Variants in SNX19 observed in about 807,000 individuals in gnomAD.
SNX19 encodes sorting nexin-19.
A neutral mutation model predicts 85.2 loss-of-function variants in SNX19; 60 were observed. That is an observed-to-expected ratio of 0.70 (90% CI 0.57 to 0.87). The LOEUF is 0.87. SNX19 is among the 40% of genes least tolerant of loss of function. SNX19 has a pLI of 0.00. For missense variants in SNX19, 1,201 were observed against 1,217.8 expected (o/e 0.99, Z 0.21); for synonymous variants, 520 against 470.0 (o/e 1.11, Z -1.38).
In SNX19 at chr11:130,868,947, G is replaced by A. The variant is rs1388287442; in HGVS notation, c.*9475C>T. 6.6e-6 allele frequency: 1 copy of A among 152,242 alleles called. No individual in the cohort carries two copies. The highest frequency in any genetic ancestry group is 1.9e-4 in the East Asian group (1 of 5,204). The allele number at this position is 152,242 out of a possible 1,614,324, so 9.4% of individuals were successfully genotyped here. The stretch of plus-strand genomic sequence containing the variant: ...AAGAAGGTTGCCAACGTCATTTATG[G>A]ATCAGCAACTGCTTGTAGGCAAAGT... On this transcript the variant is annotated 3_prime_UTR_variant, in exon 11 of 11. Transcript: ENST00000265909.
chr11:130,895,120 A>G, intron 8 of SNX19: 3 of 985,404 alleles, frequency 3.0e-6, no homozygotes, highest in Non-Finnish European at 3.6e-6. Flanking sequence ...GTGGGGCTTC[A>G]TACTGGGAGG....
At chr11:130,908,288 T>C in intron 4 of SNX19, 1 of 439,448 alleles carries the variant, frequency 2.3e-6, no homozygotes, top group Admixed American at 4.2e-5. Flanking sequence ...CATAAAAATC[T>C]TTTTCCTTGA....
chr11:130,893,625 C>T, intron 8 of SNX19: 2 of 593,816 alleles, frequency 3.4e-6, no homozygotes, highest in Non-Finnish European at 6.0e-6. Flanking sequence ...ACCGAAGTGG[C>T]AACTCCAGAA....
intron 8 of SNX19, among the ~76,000 whole-genome samples, chr11:130,897,557 T>C (rs1944961880): frequency 6.6e-6 from 1 of 152,184 alleles, no homozygotes. Flanking sequence ...TTCCTATTTT[T>C]ATCGTGGCAT....
At position 130,905,207 on chromosome 11, in the gene SNX19, C is replaced by CCTGGAAGGCAAAATTGCT. The variant is rs533237447; in HGVS notation, c.2443+728_2443+745dup. Among the ~76,000 whole-genome samples, 120 of 152,274 alleles carry CCTGGAAGGCAAAATTGCT rather than the reference C, an allele frequency of 7.9e-4. 1 individual carries two copies. The South Asian group carries it at 0.02, about 25-fold the overall frequency. ...CAGAGTACACATCTGCTCTTCTTCT[C>CCTGGAAGGCAAAATTGCT]CTGGAAGGCAAAATTGCTCTGCCTC... On this transcript the variant is annotated intron_variant, in intron 7 of 10. Coordinates refer to ENST00000265909, the MANE Select transcript of SNX19 (RefSeq NM_014758.3).
chr11:130,879,234 A>G (rs1467971054), intron 10 of SNX19, among the ~76,000 whole-genome samples: 1 of 152,204 alleles, frequency 6.6e-6, no homozygotes, highest in African/African-American at 2.4e-5. Context: ...GGTCTGTGAT[A>G]CACAGGCCAG....
chr11:130,911,611 A>T lies in SNX19; in HGVS notation c.1813+22T>A, dbSNP rs374005724. On this transcript the variant is annotated intron_variant, in intron 2 of 10. Transcript: ENST00000265909. ...TCGACGTGGGAAGCAAGCGGGCAGT[A>T]GGGGTTGGGGAAACTCCTGACTTTT... 77 of 1,613,808 alleles carry T rather than the reference A, an allele frequency of 4.8e-5. 1 individual carries two copies. The East Asian group carries it at 1.5e-3, about 31-fold the overall frequency.
intron 2 of SNX19, among the ~76,000 whole-genome samples, chr11:130,911,098 G>C (rs1946078364): frequency 6.6e-6 from 1 of 151,828 alleles, no homozygotes; most frequent in Admixed American, 6.6e-5. Flanking sequence ...TGGAGGCTGA[G>C]GCAGGAGAAT....
At position 130,880,661 on chromosome 11, in the gene SNX19, C is replaced by T. The variant is rs1307662567; in HGVS notation, c.2719G>A (p.Glu907Lys). The T allele has an allele frequency of 6.2e-7, 1 of 1,609,108 alleles. No homozygotes were observed. Among genetic ancestry groups the T allele is most frequent in the East Asian group, 2.2e-5 (1 of 44,682 alleles). ...VRTQEQKLAAEKQALQSLMGV... is the reference protein window; with the variant it reads ...VRTQEQKLAAKKQALQSLMGV... ...ATCAGGCTCTGCAAAGCCTGTTTCT[C>T]AGCAGCCAGTTTCTGCTCTTGGGTC... Residue 907 changes from glutamate to lysine, a missense_variant, in exon 9 of 11, where the codon GAG becomes AAG. Glu to Lys is a moderately conservative substitution (Grantham distance 56). This residue lies in a region of SNX19 where 285 missense variants were observed against 295.3 expected (regional missense o/e 0.97). Transcript: ENST00000265909.
chr11:130,900,547 T>C (rs1413063819), intron 8 of SNX19, among the ~76,000 whole-genome samples: 1 of 152,216 alleles, frequency 6.6e-6, no homozygotes, highest in Non-Finnish European at 1.5e-5. Context: ...TTCTCCTTTA[T>C]CTGGACTAGC....
chr11:130,901,673 A>G (rs1475710920), intron 8 of SNX19: 9 of 152,226 alleles, frequency 5.9e-5, no homozygotes, highest in Non-Finnish European at 1.3e-4. Flanking sequence ...TAATATAAAG[A>G]AATAAATGCA....
At position 130,916,414 on chromosome 11, in the gene SNX19, GGGC is replaced by G. The variant is rs1565562446; in HGVS notation, c.-478_-476del. On this transcript the variant is annotated 5_prime_UTR_variant, in exon 1 of 11. Coordinates refer to ENST00000265909, the MANE Select transcript of SNX19 (RefSeq NM_014758.3). ...CTCGGCCCTCTGCCGCCGTAAACCTGGGCGACTGCGCTCCGCAGCCGGGCCTGT... is the reference window on the plus strand; with the variant it reads ...CTCGGCCCTCTGCCGCCGTAAACCTGGACTGCGCTCCGCAGCCGGGCCTGT... 3.2e-5 allele frequency: 5 copies of G among 154,486 alleles called. No individual in the cohort carries two copies. The highest frequency in any genetic ancestry group is 1.2e-4 in the African/African-American group (5 of 41,498). The allele number at this position is 154,486 out of a possible 1,614,324, so 9.6% of individuals were successfully genotyped here.
chr11:130,893,466 AGAG>A (rs1267011032), intron 8 of SNX19, among the ~76,000 whole-genome samples: 4 of 152,176 alleles, frequency 2.6e-5, no homozygotes, highest in Admixed American at 2.6e-4. Flanking sequence ...AGAGGGGTGT[AGAG>A]GAGAAGGAAA....
chr11:130,886,050 C>A (rs918875915), intron 8 of SNX19, among the ~76,000 whole-genome samples: 17 of 152,148 alleles, frequency 1.1e-4, no homozygotes, highest in Non-Finnish European at 2.1e-4. Context: ...CCAAACATTG[C>A]GGCATGTCCC....
rs573698802 is a variant in SNX19 at position 130,877,423 on chromosome 11, A to G, written c.*999T>C. 78 of 152,364 alleles carry G rather than the reference A, an allele frequency of 5.1e-4. No homozygotes were observed. Among genetic ancestry groups the G allele is most frequent in the African/African-American group, 1.8e-3 (74 of 41,582 alleles). 9.4% of individuals were successfully genotyped at this position (152,364 alleles called of 1,614,324 possible). A position where few individuals can be genotyped will look rare whatever the true frequency, so the allele number is the denominator to read the frequency against. ...AGAAGCTATTCCTTGTAAGTTTGCT[A>G]ATCTTATCTGTTCAGAATAATAAAA... On this transcript the variant is annotated 3_prime_UTR_variant, in exon 11 of 11. Coordinates refer to ENST00000265909, the MANE Select transcript of SNX19 (RefSeq NM_014758.3).
At chr11:130,913,322 GTTATT>G (rs1741825106) in intron 1 of SNX19, among the ~76,000 whole-genome samples, 1 of 152,206 alleles carries the variant, frequency 6.6e-6, no homozygotes, top group Non-Finnish European at 1.5e-5. Context: ...GCTAGTCTCA[GTTATT>G]TTATGACCAG....
At chr11:130,899,791 A>C (rs11222382) in intron 8 of SNX19, among the ~76,000 whole-genome samples, 10,943 of 152,312 alleles carry the variant, frequency 0.072, 461 homozygotes, top group African/African-American at 0.1. Context: ...AACTAGCCGC[A>C]AAATGCTGTT....
chr11:130,909,951 C>G (rs1945962100), intron 4 of SNX19, 67 bp downstream of exon 4: 1 of 1,598,660 alleles, frequency 6.3e-7, no homozygotes, highest in African/African-American at 1.3e-5. Flanking sequence ...AGGACTGCCT[C>G]CATTCTGATG....
rs1298495635 is a variant in SNX19 at position 130,905,945 on chromosome 11, C to T, written c.2443+8G>A. On this transcript the variant is annotated splice_region_variant and intron_variant, in intron 7 of 10. Coordinates refer to ENST00000265909, the MANE Select transcript of SNX19 (RefSeq NM_014758.3). ...CTTCTCCATGGGAGCAGAGACCTCG[C>T]CACTCACCTGGATCGCTGTTGCTGG... 2 of 1,614,212 alleles carry T rather than the reference C, an allele frequency of 1.2e-6. No homozygotes were observed. Among genetic ancestry groups the T allele is most frequent in the Non-Finnish European group, 1.7e-6 (2 of 1,180,038 alleles).
Sources: allele counts gnomAD v4.1 joint callset (sites outside exome capture counted in the v4.1 genomes callset), GRCh38; gene constraint gnomAD v4.1.1; regional missense constraint gnomAD v4.1.1; transcripts MANE v1.5; gene names NCBI Gene and HGNC (gene_info 2026-07-23, HGNC 2026-07-21).